DENND5A: variants seen among roughly 807,000 people sequenced by gnomAD.
The protein encoded by DENND5A is DENN domain containing 5A.
A neutral mutation model predicts 140.3 loss-of-function variants in DENND5A; 64 were observed. The ratio of observed to expected loss-of-function variants is 0.46; its 90% confidence interval spans 0.37 to 0.56. The LOEUF (loss-of-function observed/expected upper bound fraction) is 0.56, where lower values mean the gene tolerates loss of function less well. Ranked by LOEUF, DENND5A falls within the 20% of genes least tolerant of loss-of-function variation. The pLI is 0.00. For synonymous variants in DENND5A, 605 were observed against 607.7 expected (o/e 1.00, Z 0.07); for missense variants, 1,292 against 1,593.8 (o/e 0.81, Z 3.22).
chr11:9,251,138 CAAAAAAAA>C (rs887593530), intron 1 of DENND5A, among the ~76,000 whole-genome samples: 10 of 90,020 alleles, frequency 1.1e-4, no homozygotes, highest in African/African-American at 3.8e-4. Context: ...CCATCTCAAA[CAAAAAAAA>C]AAAAAAAAAA....
At chr11:9,196,044 C>A (rs1849316356) in intron 4 of DENND5A, among the ~76,000 whole-genome samples, 1 of 152,152 alleles carries the variant, frequency 6.6e-6, no homozygotes, top group Admixed American at 6.6e-5. Context: ...CCTATGCTTC[C>A]CAGGTTCAAG....
Position 9,180,798 on chromosome 11 carries a change from A to G in DENND5A, c.1424T>C (p.Leu475Ser). The change falls in exon 6 of 23, where the codon TTG becomes TCG. Residue 475 changes from leucine (L) to serine (S), a missense_variant. Transcript: ENST00000328194. ...CAGGCTCACCCCAGTTCTCTTGACC[A>G]AGGCTTGCAGCCGGGCAATAGTTTC... ...ENETIARLQALVKRTGVSLEK... is the reference protein window; with the variant it reads ...ENETIARLQASVKRTGVSLEK... The G allele has an allele frequency of 6.2e-7, 1 of 1,614,188 alleles. No individual in the cohort carries two copies. Among genetic ancestry groups the G allele is most frequent in the Non-Finnish European group, 8.5e-7 (1 of 1,180,030 alleles).
At chr11:9,211,309 C>T (rs1849869466) in intron 1 of DENND5A, among the ~76,000 whole-genome samples, 1 of 152,018 alleles carries the variant, frequency 6.6e-6, no homozygotes, top group South Asian at 2.1e-4. Flanking sequence ...CTGGCTGATC[C>T]CTGAAACACG....
At chr11:9,252,808 C>G (rs1296916870) in intron 1 of DENND5A, among the ~76,000 whole-genome samples, 1 of 151,832 alleles carries the variant, frequency 6.6e-6, no homozygotes, top group Non-Finnish European at 1.5e-5. Context: ...TAAGAGACCT[C>G]TAAGACTATC....
At chr11:9,219,847 A>G (rs1235753590) in intron 1 of DENND5A, among the ~76,000 whole-genome samples, 1 of 152,260 alleles carries the variant, frequency 6.6e-6, no homozygotes, top group South Asian at 2.1e-4. Context: ...ACAGACTTCT[A>G]TAACAAAAAG....
chr11:9,221,386 G>C (rs1322047388), intron 1 of DENND5A, among the ~76,000 whole-genome samples: 1 of 152,092 alleles, frequency 6.6e-6, no homozygotes, highest in Non-Finnish European at 1.5e-5. Flanking sequence ...AGCCGAGATA[G>C]CGCCACCTCA....
chr11:9,160,541 TA>T (rs1847944774), intron 12 of DENND5A, among the ~76,000 whole-genome samples, 171 bp downstream of exon 12: 1 of 152,252 alleles, frequency 6.6e-6, no homozygotes, highest in Non-Finnish European at 1.5e-5. Flanking sequence ...AGCCTATCTT[TA>T]AGGAAAATAG....
At chr11:9,149,659 G>A (rs79863994) in intron 15 of DENND5A, among the ~76,000 whole-genome samples, 9,062 of 152,224 alleles carry the variant, frequency 0.06, 378 homozygotes, top group South Asian at 0.11. Context: ...CATCCCGAGA[G>A]GGGTGAGGGG....
chr11:9,238,185 A>G (rs1851082002), intron 1 of DENND5A, among the ~76,000 whole-genome samples: 1 of 152,180 alleles, frequency 6.6e-6, no homozygotes. Flanking sequence ...TTTCAGGAGC[A>G]TACTCACGAT....
intron 5 of DENND5A, among the ~76,000 whole-genome samples, chr11:9,187,148 A>C (rs559583029): frequency 6.6e-5 from 10 of 152,010 alleles, no homozygotes; most frequent in Non-Finnish European, 1.2e-4. Context: ...AAATTACTAC[A>C]CTCATACAAT....
At chr11:9,147,661 G>A (rs926312100) in intron 15 of DENND5A, among the ~76,000 whole-genome samples, 2 of 152,188 alleles carry the variant, frequency 1.3e-5, no homozygotes, top group Non-Finnish European at 2.9e-5. Context: ...GGCGAGAAAG[G>A]GCAGGCTTCT....
At chr11:9,205,519 T>C (rs1237839101) in intron 3 of DENND5A, among the ~76,000 whole-genome samples, 2 of 152,152 alleles carry the variant, frequency 1.3e-5, no homozygotes, top group South Asian at 2.1e-4. Context: ...AATAATAATA[T>C]AGTTTCCTCT....
intron 1 of DENND5A, among the ~76,000 whole-genome samples, chr11:9,243,861 G>A (rs1851351107): frequency 1.3e-5 from 2 of 152,088 alleles, no homozygotes; most frequent in Admixed American, 6.6e-5. Context: ...ACTCCAGCCT[G>A]GGCGACAGAA....
At position 9,190,029 on chromosome 11, in the gene DENND5A, G is replaced by A. The variant is rs147682467; in HGVS notation, c.1137+3465C>T. ...TGGAACTTTAAGATTTGACTGCCCC[G>A]CTGGATTTCAGACTTGCATGGGGCC... is the stretch of plus-strand genomic sequence containing the variant. On this transcript the variant is annotated intron_variant, in intron 5 of 22. Coordinates refer to ENST00000328194, the MANE Select transcript of DENND5A (RefSeq NM_015213.4). Among the ~76,000 whole-genome samples the A allele has an allele frequency of 1.7e-3, 263 of 152,272 alleles. 1 individual carries two copies. The highest frequency in any genetic ancestry group is 4.0e-3 in the Admixed American group (61 of 15,298).
chr11:9,157,709 AC>A (rs946630268), intron 12 of DENND5A, among the ~76,000 whole-genome samples: 2 of 152,054 alleles, frequency 1.3e-5, no homozygotes, highest in African/African-American at 2.4e-5. Context: ...TGTATGTATC[AC>A]CTTTTCTTTA....
At chr11:9,234,020 A>G (rs1375618740) in intron 1 of DENND5A, among the ~76,000 whole-genome samples, 1 of 152,044 alleles carries the variant, frequency 6.6e-6, no homozygotes, top group African/African-American at 2.4e-5. Context: ...TCTACTAAAA[A>G]TACAAAAATT....
chr11:9,254,185 G>T (rs1564943987), intron 1 of DENND5A, among the ~76,000 whole-genome samples: 1 of 148,872 alleles, frequency 6.7e-6, no homozygotes, highest in African/African-American at 2.5e-5. Flanking sequence ...AAAAAGCCAG[G>T]TGTGGTGGCA....
intron 6 of DENND5A, 84 bp from the exon 7 acceptor site, chr11:9,179,157 ATT>A: frequency 2.4e-6 from 3 of 1,253,192 alleles, no homozygotes; most frequent in Non-Finnish European, 3.4e-6. Flanking sequence ...TTTTTATCTG[ATT>A]TTTTTTTACA....
At chr11:9,259,563 T>C (rs1049209323) in intron 1 of DENND5A, among the ~76,000 whole-genome samples, 3 of 151,044 alleles carry the variant, frequency 2.0e-5, no homozygotes, top group Admixed American at 1.3e-4. Context: ...GAGACTCCCA[T>C]CTCAAAACAA....
Sources: allele counts gnomAD v4.1 joint callset (sites outside exome capture counted in the v4.1 genomes callset), GRCh38; gene constraint gnomAD v4.1.1; transcripts MANE v1.5; gene names NCBI Gene and HGNC (gene_info 2026-07-23, HGNC 2026-07-21).